SPATS2L: variants seen among roughly 807,000 people sequenced by gnomAD.
SPATS2L encodes the protein spermatogenesis associated serine rich 2 like.
SPATS2L carries 30 observed loss-of-function variants against 59.6 expected under a neutral mutation model. That is an observed-to-expected ratio of 0.50 (90% CI 0.38 to 0.68). The LOEUF is 0.68. Among genes scored for constraint, SPATS2L ranks in the 30% least tolerant of loss-of-function variants. The pLI, the probability that SPATS2L is intolerant of heterozygous loss-of-function variation, is 0.00. For missense variants in SPATS2L, 615 were observed against 700.0 expected, an observed-to-expected ratio of 0.88 and a Z score of 1.37; for synonymous variants, 252 against 263.5, an observed-to-expected ratio of 0.96 and a Z score of 0.42.
intron 2 of SPATS2L, among the ~76,000 whole-genome samples, chr2:200,342,360 G>A (rs572131065): frequency 9.2e-5 from 14 of 152,348 alleles, no homozygotes; most frequent in African/African-American, 3.4e-4. Flanking sequence ...AGTCAGCTGG[G>A]TGGTATTGGA....
chr2:200,395,942 C>T lies in SPATS2L; in HGVS notation c.39+6659C>T, dbSNP rs537732163. 2.2e-5 allele frequency among the ~76,000 whole-genome samples: 3 copies of T among 138,076 alleles called. No individual in the cohort carries two copies. In the South Asian group the frequency reaches 7.3e-4, roughly 33 times the overall value. The allele number at this position is 138,076 out of a possible 152,430, so 90.6% of individuals were successfully genotyped here. The stretch of plus-strand genomic sequence containing the variant: ...AGGAGAATCTCTTGAACCCAGGGAG[C>T]AGATGTTGCAGTGAGTGGAGAGCAT... On this transcript the variant is annotated intron_variant, in intron 3 of 12. Coordinates refer to ENST00000409140, the MANE Select transcript of SPATS2L (RefSeq NM_001100423.2).
chr2:200,383,806 T>G (rs2105915175), intron 2 of SPATS2L: 1 of 869,564 alleles, frequency 1.2e-6, no homozygotes. Flanking sequence ...CCTTGAAAAT[T>G]TTGTTAAAAT....
At chr2:200,385,528 A>G (rs2081962531) in intron 2 of SPATS2L, among the ~76,000 whole-genome samples, 1 of 152,122 alleles carries the variant, frequency 6.6e-6, no homozygotes, top group Admixed American at 6.5e-5. Context: ...ATGCAGGGGC[A>G]AGGTGGGCTT....
chr2:200,431,897 G>A, intron 6 of SPATS2L, among the ~76,000 whole-genome samples: 1 of 152,192 alleles, frequency 6.6e-6, no homozygotes, highest in Non-Finnish European at 1.5e-5. Flanking sequence ...TTAAGCACAA[G>A]TAAAGTATAT....
At chr2:200,371,514 G>GTC (rs1200024536) in intron 2 of SPATS2L, among the ~76,000 whole-genome samples, 3 of 152,128 alleles carry the variant, frequency 2.0e-5, no homozygotes, top group Non-Finnish European at 4.4e-5. Context: ...TTTGAGCAAG[G>GTC]TCTGGATGGC....
At chr2:200,362,229 C>T (rs1428479712) in intron 2 of SPATS2L, among the ~76,000 whole-genome samples, 3 of 152,156 alleles carry the variant, frequency 2.0e-5, no homozygotes, top group Non-Finnish European at 4.4e-5. Flanking sequence ...GCCTGGACAA[C>T]AGAGACAGAC....
intron 5 of SPATS2L, among the ~76,000 whole-genome samples, chr2:200,418,217 G>A (rs3820880): frequency 0.46 from 70,061 of 151,754 alleles, 17,274 homozygotes; most frequent in Non-Finnish European, 0.55. Flanking sequence ...CTTTCTCACC[G>A]GAAAAGGGGG....
intron 3 of SPATS2L, among the ~76,000 whole-genome samples, chr2:200,394,044 G>GT (rs777691191): frequency 7.2e-5 from 11 of 152,138 alleles, no homozygotes; most frequent in South Asian, 6.2e-4. Context: ...ATGATTTCAG[G>GT]TTTAATATTC....
chr2:200,372,223 A>G, intron 2 of SPATS2L: 1 of 983,210 alleles, frequency 1.0e-6, no homozygotes, highest in Non-Finnish European at 1.2e-6. Context: ...CTGGAGTTAT[A>G]AGGCAGAGGT....
intron 3 of SPATS2L, chr2:200,393,230 G>A (rs2082224229): frequency 2.2e-6 from 1 of 456,886 alleles, no homozygotes; most frequent in South Asian, 1.5e-5. Flanking sequence ...CAGACTCATA[G>A]CAATTGATCC....
intron 8 of SPATS2L, among the ~76,000 whole-genome samples, chr2:200,452,804 A>G (rs1252400173): frequency 1.3e-5 from 2 of 152,332 alleles, no homozygotes; most frequent in Non-Finnish European, 2.9e-5. Context: ...TGCTGTGGAC[A>G]TGTATGCAGG....
intron 3 of SPATS2L, among the ~76,000 whole-genome samples, chr2:200,410,616 G>A (rs1162726949): frequency 6.6e-6 from 1 of 151,832 alleles, no homozygotes; most frequent in African/African-American, 2.4e-5. Flanking sequence ...CACTCATGCT[G>A]TTCTCTATGC....
chr2:200,450,542 CTTCA>C (rs761120630), intron 8 of SPATS2L, among the ~76,000 whole-genome samples: 1 of 152,216 alleles, frequency 6.6e-6, no homozygotes, highest in Non-Finnish European at 1.5e-5. Context: ...CTTCCCCTTT[CTTCA>C]TTCATCCACT....
At chr2:200,354,434 C>T (rs1169610782) in intron 2 of SPATS2L, among the ~76,000 whole-genome samples, 1 of 152,100 alleles carries the variant, frequency 6.6e-6, no homozygotes, top group East Asian at 1.9e-4. Context: ...ATGGTGAAAT[C>T]CCGTCTCTAC....
At position 200,333,619 on chromosome 2, in the gene SPATS2L, A is replaced by G. The variant is rs531806850; in HGVS notation, c.-23+4139A>G. ...TGCACCCATTAACTCGTCATTTAAC[A>G]TTAGGTATATCTCCTAATGCTATCC... On this transcript the variant is annotated intron_variant, in intron 2 of 12. Coordinates refer to ENST00000409140, the MANE Select transcript of SPATS2L (RefSeq NM_001100423.2). Among the ~76,000 whole-genome samples, 16 of 152,202 alleles carry G rather than the reference A, an allele frequency of 1.1e-4. No homozygotes were observed. The East Asian group carries it at 3.1e-3, about 29-fold the overall frequency.
intron 2 of SPATS2L, among the ~76,000 whole-genome samples, chr2:200,333,982 T>C (rs1179671046): frequency 2.0e-5 from 3 of 152,254 alleles, no homozygotes; most frequent in African/African-American, 7.2e-5. Flanking sequence ...TGTGTCTTTA[T>C]AGCAGCATGA....
At chr2:200,356,035 A>G (rs1372147764) in intron 2 of SPATS2L, among the ~76,000 whole-genome samples, 1 of 152,268 alleles carries the variant, frequency 6.6e-6, no homozygotes, top group African/African-American at 2.4e-5. Flanking sequence ...AACGGAATTC[A>G]TGAATTATAT....
chr2:200,350,568 C>A (rs1574465697), intron 2 of SPATS2L, among the ~76,000 whole-genome samples: 1 of 151,918 alleles, frequency 6.6e-6, no homozygotes, highest in East Asian at 1.9e-4. Flanking sequence ...ACTGTGTCAC[C>A]CAGGCTGGAG....
At chr2:200,361,674 C>T (rs1361676327) in intron 2 of SPATS2L, among the ~76,000 whole-genome samples, 2 of 152,170 alleles carry the variant, frequency 1.3e-5, no homozygotes, top group African/African-American at 4.8e-5. Flanking sequence ...CTGAATAAGC[C>T]AGTCCTTTGC....
Sources: gnomAD v4.1 joint callset for allele counts (sites outside exome capture counted in the v4.1 genomes callset) on GRCh38, gnomAD v4.1.1 for gene constraint, MANE v1.5 for transcripts, NCBI Gene and HGNC (gene_info 2026-07-23, HGNC 2026-07-21) for gene names.